The following ARHGAP6 variants were observed in gnomAD, a reference collection of about 807,000 sequenced individuals.
ARHGAP6 encodes rho GTPase-activating protein 6.
A neutral mutation model predicts 55.7 loss-of-function variants in ARHGAP6; 16 were observed. The ratio of observed to expected loss-of-function variants is 0.29; its 90% CI spans 0.19 to 0.44. The LOEUF (loss-of-function observed/expected upper bound fraction) is 0.44. Among genes scored for constraint, ARHGAP6 ranks in the 20% least tolerant of loss-of-function variants. The pLI, the probability that ARHGAP6 is intolerant of heterozygous loss-of-function variation, is 1.00. For missense variants in ARHGAP6, 698 were observed against 808.9 expected (o/e 0.86, Z 1.66); for synonymous variants, 382 against 360.9 (o/e 1.06, Z -0.66).
intron 1 of ARHGAP6, among the ~76,000 whole-genome samples, chrX:11,268,490 C>T (rs772028755): frequency 9.8e-5 from 11 of 111,950 alleles, no homozygotes; most frequent in Non-Finnish European, 1.5e-4. Context: ...AAATGGATGG[C>T]GCACAGTGAG....
At chrX:11,468,674 AT>A (rs2147824535) in intron 1 of ARHGAP6, among the ~76,000 whole-genome samples, 1 of 112,515 alleles carries the variant, frequency 8.9e-6, no homozygotes, top group East Asian at 2.8e-4. Context: ...TCTAGAAAAC[AT>A]TTTCTAATCT....
chrX:11,175,077 T>C (rs2046193568), intron 8 of ARHGAP6, among the ~76,000 whole-genome samples: 1 of 111,604 alleles, frequency 9.0e-6, no homozygotes, highest in African/African-American at 3.3e-5. Flanking sequence ...CCTAACTCAC[T>C]CTCCCTTTGT....
intron 1 of ARHGAP6, among the ~76,000 whole-genome samples, chrX:11,656,299 T>C (rs1049590208): frequency 8.9e-6 from 1 of 112,473 alleles, no homozygotes; most frequent in East Asian, 2.8e-4. Context: ...CCCTTTCTTT[T>C]TGTTTGGCAA....
intron 2 of ARHGAP6, among the ~76,000 whole-genome samples, chrX:11,243,976 AATC>A (rs1006812816): frequency 8.9e-6 from 1 of 111,826 alleles, no homozygotes; most frequent in Admixed American, 9.5e-5. Flanking sequence ...ACACTGTCAA[AATC>A]ATCTAATGAT....
chrX:11,157,203 G>C (rs2045875697), intron 9 of ARHGAP6, among the ~76,000 whole-genome samples: 1 of 112,017 alleles, frequency 8.9e-6, no homozygotes, highest in African/African-American at 3.2e-5. Flanking sequence ...GTGTAAAATG[G>C]GGATAACAAC....
chrX:11,185,613 G>A (rs1457028820), intron 5 of ARHGAP6, among the ~76,000 whole-genome samples: 1 of 111,944 alleles, frequency 8.9e-6, no homozygotes, highest in Non-Finnish European at 1.9e-5. Context: ...TTATGAAAAT[G>A]GCAGTTAATA....
chrX:11,277,980 G>A (rs1660889238), intron 1 of ARHGAP6, among the ~76,000 whole-genome samples: 1 of 111,332 alleles, frequency 9.0e-6, no homozygotes, highest in African/African-American at 3.3e-5. Context: ...ACTGGGTGAG[G>A]AAAAGCCAGA....
chrX:11,620,569 G>T (rs923916633), intron 1 of ARHGAP6, among the ~76,000 whole-genome samples: 1 of 112,482 alleles, frequency 8.9e-6, no homozygotes, highest in African/African-American at 3.2e-5. Context: ...TACTTACTAT[G>T]AAAGGCTGAA....
At chrX:11,365,013 A>G (rs1234981822) in intron 1 of ARHGAP6, among the ~76,000 whole-genome samples, 1 of 111,351 alleles carries the variant, frequency 9.0e-6, no homozygotes, top group Non-Finnish European at 1.9e-5. Flanking sequence ...AGAAGGGGAG[A>G]CAACTAGTAG....
At chrX:11,382,472 T>A (rs2049273806) in intron 1 of ARHGAP6, among the ~76,000 whole-genome samples, 1 of 111,852 alleles carries the variant, frequency 8.9e-6, no homozygotes, top group Admixed American at 9.5e-5. Context: ...ATTGGCCTAT[T>A]TTCATTGTTG....
chrX:11,357,901 A>G (rs181382114), intron 1 of ARHGAP6, among the ~76,000 whole-genome samples: 361 of 111,532 alleles, frequency 3.2e-3, no homozygotes, highest in Non-Finnish European at 5.0e-3. Flanking sequence ...TATAATTCAC[A>G]TACTATAAAA....
chrX:11,354,319 C>CTATATA (rs1569311562), intron 1 of ARHGAP6, among the ~76,000 whole-genome samples: 2 of 68,002 alleles, frequency 2.9e-5, no homozygotes, highest in East Asian at 4.5e-4. Flanking sequence ...CTCTCTCTCT[C>CTATATA]TCTCTCTCTA....
At chrX:11,590,869 G>GAAAAGAAAAGAAAAGAAAAGAAGGAAA (rs2051813205) in intron 1 of ARHGAP6, among the ~76,000 whole-genome samples, 3 of 24,213 alleles carry the variant, frequency 1.2e-4, no homozygotes, top group African/African-American at 2.1e-4. Context: ...AAGAAAAGAA[G>GAAAAGAAAAGAAAAGAAAAGAAGGAAA]GAAAGAAAGA....
At chrX:11,521,621 G>C (rs1043661508) in intron 1 of ARHGAP6, among the ~76,000 whole-genome samples, 2 of 111,265 alleles carry the variant, frequency 1.8e-5, no homozygotes, top group South Asian at 3.8e-4. Context: ...TTTTGGCTTA[G>C]GATTGACTTA....
At chrX:11,441,956 C>T (rs939417708) in intron 1 of ARHGAP6, among the ~76,000 whole-genome samples, 5 of 108,558 alleles carry the variant, frequency 4.6e-5, no homozygotes, top group Admixed American at 9.9e-5. Flanking sequence ...CACACATATA[C>T]GTAACATATA....
At chrX:11,348,448 A>T (rs1233504945) in intron 1 of ARHGAP6, among the ~76,000 whole-genome samples, 1 of 111,203 alleles carries the variant, frequency 9.0e-6, no homozygotes, top group East Asian at 2.8e-4. Context: ...GGTTGGGATC[A>T]GAAGTCTTTG....
chrX:11,297,047 T>C (rs1264711238), intron 1 of ARHGAP6, among the ~76,000 whole-genome samples: 1 of 111,467 alleles, frequency 9.0e-6, no homozygotes, highest in Non-Finnish European at 1.9e-5. Context: ...TCTGTCCTCC[T>C]AAATATGGCC....
intron 2 of ARHGAP6, among the ~76,000 whole-genome samples, chrX:11,238,479 G>A (rs908781511): frequency 8.9e-6 from 1 of 112,127 alleles, no homozygotes; most frequent in Admixed American, 9.5e-5. Flanking sequence ...AGCATTTAGA[G>A]AAGACTCAGG....
At chrX:11,415,089 C>T (rs1247869161) in intron 1 of ARHGAP6, among the ~76,000 whole-genome samples, 1 of 111,602 alleles carries the variant, frequency 9.0e-6, no homozygotes, top group African/African-American at 3.3e-5. Flanking sequence ...TTAGCCATTC[C>T]ACAATGCATA....
Sources: gnomAD v4.1 joint callset for allele counts (sites outside exome capture counted in the v4.1 genomes callset) on GRCh38, gnomAD v4.1.1 for gene constraint, MANE v1.5 for transcripts, NCBI Gene and HGNC (gene_info 2026-07-23, HGNC 2026-07-21) for gene names.